ZFPM2: variants seen among roughly 807,000 people sequenced by gnomAD.
The protein encoded by ZFPM2 is zinc finger protein ZFPM2.
Under a neutral mutation model 98.6 loss-of-function variants are expected in ZFPM2, and 20 were observed. That is an observed-to-expected ratio of 0.20 (90% CI 0.14 to 0.29). The LOEUF is 0.29. Ranked by LOEUF, ZFPM2 falls within the 10% of genes least tolerant of loss-of-function variation. ZFPM2 has a pLI of 1.00. For synonymous variants in ZFPM2, 518 were observed against 502.7 expected (o/e 1.03, Z -0.41); for missense variants, 1,310 against 1,388.6 (o/e 0.94, Z 0.90).
intron 5 of ZFPM2, among the ~76,000 whole-genome samples, chr8:105,755,706 A>G (rs1363373102): frequency 6.6e-6 from 1 of 152,148 alleles, no homozygotes; most frequent in Non-Finnish European, 1.5e-5. Context: ...TTGTCTTATT[A>G]TGTAACTAAT....
At chr8:105,752,329 G>A (rs143145194) in intron 5 of ZFPM2, among the ~76,000 whole-genome samples, 21 of 152,214 alleles carry the variant, frequency 1.4e-4, no homozygotes, top group Admixed American at 3.3e-4. Context: ...GTGTTCCGTC[G>A]TCAAGAACAG....
Position 105,673,650 on chromosome 8 carries a change from CT to C in ZFPM2, c.532+39300del, listed in dbSNP as rs538519484. Among the ~76,000 whole-genome samples, 17 of 152,242 alleles carry C rather than the reference CT, an allele frequency of 1.1e-4. No homozygotes were observed. The South Asian group carries it at 2.9e-3, about 26-fold the overall frequency. ...CTCCACTAATATTTTTAAAACTTAA[CT>C]TTTTTTCTATTCAAGAAAAATACGC... On this transcript the variant is annotated intron_variant, in intron 5 of 7. Transcript: ENST00000407775.
At chr8:105,418,796 A>G (rs781727906) in intron 1 of ZFPM2, 3 of 517,756 alleles carry the variant, frequency 5.8e-6, no homozygotes, top group South Asian at 2.9e-5. Context: ...TGTACTCTTT[A>G]CCAGATAGTT....
intron 1 of ZFPM2, among the ~76,000 whole-genome samples, chr8:105,342,517 T>C (rs984109646): frequency 2.0e-5 from 3 of 152,098 alleles, no homozygotes; most frequent in African/African-American, 7.2e-5. Context: ...CTAACATTAA[T>C]GGGACATTAA....
At chr8:105,488,915 G>T (rs1306645838) in intron 3 of ZFPM2, among the ~76,000 whole-genome samples, 1 of 152,032 alleles carries the variant, frequency 6.6e-6, no homozygotes, top group African/African-American at 2.4e-5. Context: ...GATCTGTCCG[G>T]GTCCATTATG....
intron 3 of ZFPM2, among the ~76,000 whole-genome samples, chr8:105,500,340 G>A (rs1227870783): frequency 6.6e-6 from 1 of 151,964 alleles, no homozygotes; most frequent in Non-Finnish European, 1.5e-5. Context: ...TTAAATTTGA[G>A]AATAAACAGA....
chr8:105,689,733 A>T (rs761431050), intron 5 of ZFPM2, among the ~76,000 whole-genome samples: 20 of 152,166 alleles, frequency 1.3e-4, no homozygotes, highest in Non-Finnish European at 2.5e-4. Flanking sequence ...GGCATTTTTT[A>T]AAAAAGTGAT....
At chr8:105,575,425 T>C (rs1815445651) in intron 4 of ZFPM2, among the ~76,000 whole-genome samples, 1 of 152,100 alleles carries the variant, frequency 6.6e-6, no homozygotes, top group African/African-American at 2.4e-5. Flanking sequence ...GGATTCAAAA[T>C]GGCTTTGGAG....
intron 5 of ZFPM2, among the ~76,000 whole-genome samples, chr8:105,762,256 G>A (rs968290857): frequency 2.0e-5 from 3 of 151,928 alleles, no homozygotes; most frequent in Non-Finnish European, 2.9e-5. Context: ...CCAAGATGGT[G>A]CAAGGTTTTA....
intron 5 of ZFPM2, among the ~76,000 whole-genome samples, chr8:105,653,760 T>C (rs1349672506): frequency 6.7e-6 from 1 of 148,954 alleles, no homozygotes. Flanking sequence ...TAGAGGCAAA[T>C]AGAAAACACA....
In ZFPM2 at chr8:105,801,360, C is replaced by G. The variant is rs1814005460; in HGVS notation, c.1278C>G (p.Ala426=). The G allele has an allele frequency of 6.2e-7, 1 of 1,613,804 alleles. No individual in the cohort carries two copies. Among genetic ancestry groups the G allele is most frequent in the Non-Finnish European group, 8.5e-7 (1 of 1,179,884 alleles). ...GCGAACTTCCCCAGAGCCAAAAGGC[C>G]ATGCAGACTAAAGATGCGAGCTCTG... ...TRSELPQSQK[A]MQTKDASSDT... The change falls in exon 8 of 8, where the codon GCC becomes GCG. Residue 426 remains alanine, a synonymous_variant. Transcript: ENST00000407775.
At chr8:105,399,827 G>A (rs1331616457) in intron 1 of ZFPM2, among the ~76,000 whole-genome samples, 6 of 151,968 alleles carry the variant, frequency 3.9e-5, no homozygotes, top group South Asian at 2.1e-4. Flanking sequence ...GTGCAGTGGC[G>A]CGATCTCGGC....
chr8:105,596,145 A>C (rs966291160), intron 4 of ZFPM2, among the ~76,000 whole-genome samples: 3 of 152,090 alleles, frequency 2.0e-5, no homozygotes, highest in South Asian at 2.1e-4. Context: ...ATCCATATCA[A>C]AATGGAAGAG....
intron 2 of ZFPM2, among the ~76,000 whole-genome samples, chr8:105,424,235 C>T (rs1340802891): frequency 1.3e-5 from 2 of 152,076 alleles, no homozygotes; most frequent in South Asian, 2.1e-4. Flanking sequence ...AGTTAAAAAG[C>T]GTCCTTACAA....
At chr8:105,790,885 GCTCT>G (rs1411057612) in intron 6 of ZFPM2, among the ~76,000 whole-genome samples, 4 of 152,040 alleles carry the variant, frequency 2.6e-5, no homozygotes, top group African/African-American at 9.7e-5. Context: ...TCATGATTTG[GCTCT>G]CTGTTTGTTA....
chr8:105,504,945 G>A (rs1463801888), intron 3 of ZFPM2, among the ~76,000 whole-genome samples: 1 of 151,722 alleles, frequency 6.6e-6, no homozygotes, highest in Non-Finnish European at 1.5e-5. Flanking sequence ...AAAGAAAAAA[G>A]TATTAATAAG....
At position 105,441,380 on chromosome 8, in the gene ZFPM2, C is replaced by T. The variant is rs183525253; in HGVS notation, c.200-2900C>T. Among the ~76,000 whole-genome samples, 17 of 141,670 alleles carry T rather than the reference C, an allele frequency of 1.2e-4. No individual in the cohort carries two copies. In the East Asian group the frequency reaches 1.3e-3, roughly 10 times the overall value. 92.9% of individuals were successfully genotyped at this position (141,670 alleles called of 152,430 possible). ...TTCATTGGTATTCATTCTGATAATC[C>T]GAACAGGCAAAAGGAGTGAAAACTC... On this transcript the variant is annotated intron_variant, in intron 2 of 7. Coordinates refer to ENST00000407775, the MANE Select transcript of ZFPM2 (RefSeq NM_012082.4).
At chr8:105,679,138 G>A (rs112903668) in intron 5 of ZFPM2, 12 of 152,164 alleles carry the variant, frequency 7.9e-5, no homozygotes, top group African/African-American at 1.4e-4. Flanking sequence ...TCTATGTGCC[G>A]CCTGCAAATG....
intron 5 of ZFPM2, among the ~76,000 whole-genome samples, chr8:105,730,763 CTTTTTCT>C (rs1222954130): frequency 5.6e-4 from 77 of 136,572 alleles, no homozygotes; most frequent in African/African-American, 1.9e-3. Flanking sequence ...GACACCTGAA[CTTTTTCT>C]TTTTTCTTTT....
Sources: gnomAD v4.1 joint callset for allele counts (sites outside exome capture counted in the v4.1 genomes callset) on GRCh38, gnomAD v4.1.1 for gene constraint, MANE v1.5 for transcripts, NCBI Gene and HGNC (gene_info 2026-07-23, HGNC 2026-07-21) for gene names.